NCKAP5: variants seen among roughly 807,000 people sequenced by gnomAD.
The protein encoded by NCKAP5 is nck-associated protein 5.
In NCKAP5, 92 loss-of-function variants were observed where a neutral mutation model predicts 167.0. That is an observed-to-expected ratio of 0.55 (90% confidence interval 0.47 to 0.66). NCKAP5 has a LOEUF of 0.66. Among genes scored for constraint, NCKAP5 ranks in the 30% least tolerant of loss-of-function variants. The probability of loss-of-function intolerance (pLI) is 0.00; values close to 1 mark genes in which losing one functional copy is unlikely to be tolerated. For synonymous variants in NCKAP5, 891 were observed against 877.4 expected, an observed-to-expected ratio of 1.02 and a Z score of -0.27; for missense variants, 2,378 against 2,315.0, an observed-to-expected ratio of 1.03 and a Z score of -0.56.
At chr2:133,087,497 A>C (rs1330644857) in intron 6 of NCKAP5, among the ~76,000 whole-genome samples, 5 of 152,230 alleles carry the variant, frequency 3.3e-5, no homozygotes, top group African/African-American at 1.2e-4. Context: ...AACTCTGATA[A>C]GTGGATGAAA....
intron 4 of NCKAP5, among the ~76,000 whole-genome samples, chr2:133,294,889 G>T (rs1679851299): frequency 6.6e-6 from 1 of 152,248 alleles, no homozygotes; most frequent in East Asian, 1.9e-4. Flanking sequence ...GAGCCTTAGA[G>T]GATCTTCTTC....
intron 4 of NCKAP5, among the ~76,000 whole-genome samples, chr2:133,293,758 G>C (rs548658379): frequency 6.6e-6 from 1 of 152,142 alleles, no homozygotes; most frequent in African/African-American, 2.4e-5. Flanking sequence ...GCTGGACAGA[G>C]GGCATAGCTG....
At chr2:133,159,422 T>A (rs1574223435) in intron 5 of NCKAP5, among the ~76,000 whole-genome samples, 1 of 151,588 alleles carries the variant, frequency 6.6e-6, no homozygotes, top group East Asian at 1.9e-4. Flanking sequence ...CGTCAAGGTA[T>A]CCCAGACTGT....
chr2:133,170,854 G>T (rs939687840), intron 5 of NCKAP5, among the ~76,000 whole-genome samples: 1 of 152,074 alleles, frequency 6.6e-6, no homozygotes, highest in Admixed American at 6.6e-5. Context: ...CCTACATGCA[G>T]ATCTACCCTC....
intron 7 of NCKAP5, among the ~76,000 whole-genome samples, chr2:132,983,479 C>T (rs1464426046): frequency 6.6e-6 from 1 of 152,040 alleles, no homozygotes; most frequent in East Asian, 1.9e-4. Flanking sequence ...GAGGTATGTT[C>T]CTTCAATGCC....
intron 3 of NCKAP5, among the ~76,000 whole-genome samples, chr2:133,322,493 A>G (rs1682128725): frequency 6.6e-6 from 1 of 152,248 alleles, no homozygotes; most frequent in South Asian, 2.1e-4. Context: ...ACATACCAGT[A>G]AAACAGTGTG....
chr2:132,712,353 A>C (rs1349709750), intron 19 of NCKAP5, among the ~76,000 whole-genome samples: 3 of 152,120 alleles, frequency 2.0e-5, no homozygotes, highest in Non-Finnish European at 2.9e-5. Flanking sequence ...TTTTGCTTAG[A>C]ACTATGTTGG....
At position 133,176,797 on chromosome 2, in the gene NCKAP5, G is replaced by A. The variant is rs562289969; in HGVS notation, c.207+36919C>T. Among the ~76,000 whole-genome samples the A allele has an allele frequency of 3.3e-4, 51 of 152,246 alleles. 1 individual carries two copies. In the South Asian group the frequency reaches 9.1e-3, roughly 27 times the overall value. On this transcript the variant is annotated intron_variant, in intron 5 of 19. Coordinates refer to ENST00000409261, the MANE Select transcript of NCKAP5 (RefSeq NM_207363.3). ...TTAAAAAATCTATAAACAATGCCCA[G>A]TTTCAGTGTGGTTACAGTCTCTCTT...
intron 6 of NCKAP5, among the ~76,000 whole-genome samples, chr2:133,115,632 TATTTA>T (rs1434905435): frequency 6.6e-6 from 1 of 151,720 alleles, no homozygotes; most frequent in Non-Finnish European, 1.5e-5. Flanking sequence ...TCTCTCTTTC[TATTTA>T]AAGTTAACAA....
At chr2:132,687,712 AACACACACACACACACACAC>A (rs3069016) in intron 19 of NCKAP5, among the ~76,000 whole-genome samples, 2 of 131,580 alleles carry the variant, frequency 1.5e-5, no homozygotes, top group Admixed American at 7.6e-5. Flanking sequence ...CACCTACCTA[AACACACACACACACACACAC>A]ACACACACAC....
chr2:133,249,850 G>A (rs924034374), intron 4 of NCKAP5, among the ~76,000 whole-genome samples: 2 of 152,118 alleles, frequency 1.3e-5, no homozygotes, highest in Non-Finnish European at 2.9e-5. Context: ...GGAGGAAGGA[G>A]GTTGAAGCTA....
chr2:133,586,800 T>G, the NCKAP5 span, among the ~76,000 whole-genome samples: 1 of 141,272 alleles, frequency 7.1e-6, no homozygotes, highest in Admixed American at 7.2e-5. Context: ...CACACAGGAT[T>G]TAGGATAGGC....
chr2:132,829,033 T>A (rs938813722), intron 11 of NCKAP5, among the ~76,000 whole-genome samples: 3 of 152,162 alleles, frequency 2.0e-5, no homozygotes, highest in African/African-American at 7.2e-5. Flanking sequence ...GAGACTGACA[T>A]AACCAGTAAC....
At chr2:133,381,033 C>T (rs922004605) in intron 3 of NCKAP5, among the ~76,000 whole-genome samples, 2 of 152,194 alleles carry the variant, frequency 1.3e-5, no homozygotes, top group Non-Finnish European at 2.9e-5. Context: ...TAGAGCACAA[C>T]ACAGTAAAAG....
chr2:132,787,472 T>C (rs1373697320), intron 13 of NCKAP5, among the ~76,000 whole-genome samples: 9 of 152,144 alleles, frequency 5.9e-5, no homozygotes. Context: ...CCCACACGCT[T>C]ATGTGCAGTG....
chr2:132,717,369 T>C (rs1362967435), intron 19 of NCKAP5, among the ~76,000 whole-genome samples: 2 of 152,226 alleles, frequency 1.3e-5, no homozygotes, highest in African/African-American at 2.4e-5. Context: ...ATAACGAGTT[T>C]GGATTTCGTT....
chr2:133,319,055 G>A (rs1681829418), intron 3 of NCKAP5, among the ~76,000 whole-genome samples: 1 of 152,080 alleles, frequency 6.6e-6, no homozygotes, highest in Admixed American at 6.5e-5. Context: ...AGCCCTCCAG[G>A]TGATTCTGAT....
chr2:133,307,131 T>G lies in NCKAP5; in HGVS notation c.70-4021A>C, dbSNP rs113362827. ...TACTAACTTGATGAACATCCTATTC[T>G]ACTGGTTTCTGTTAGAATTACGAAA... is the stretch of plus-strand genomic sequence containing the variant. On this transcript the variant is annotated intron_variant, in intron 3 of 19. Coordinates refer to ENST00000409261, the MANE Select transcript of NCKAP5 (RefSeq NM_207363.3). Among the ~76,000 whole-genome samples, 194 of 152,344 alleles carry G rather than the reference T, an allele frequency of 1.3e-3. 1 individual carries two copies. Among genetic ancestry groups the G allele is most frequent in the African/African-American group, 4.3e-3 (180 of 41,582 alleles).
chr2:133,491,764 C>T (rs1681466594), intron 3 of NCKAP5, among the ~76,000 whole-genome samples: 1 of 152,136 alleles, frequency 6.6e-6, no homozygotes, highest in Admixed American at 6.5e-5. Flanking sequence ...TGACTAAAGC[C>T]ACATGGGCAG....
Sources: allele counts gnomAD v4.1 joint callset (sites outside exome capture counted in the v4.1 genomes callset), GRCh38; gene constraint gnomAD v4.1.1; transcripts MANE v1.5; gene names NCBI Gene and HGNC (gene_info 2026-07-23, HGNC 2026-07-21).